CACNA2D3: variants seen among roughly 807,000 people sequenced by gnomAD.
The protein encoded by CACNA2D3 is voltage-dependent calcium channel subunit alpha-2/delta-3.
CACNA2D3 carries 60 observed loss-of-function variants against 160.6 expected under a neutral mutation model. The ratio of observed to expected loss-of-function variants is 0.37; its 90% CI spans 0.30 to 0.46. The LOEUF (loss-of-function observed/expected upper bound fraction) is 0.46, where lower values mean the gene tolerates loss of function less well. CACNA2D3 is among the 20% of genes least tolerant of loss of function. CACNA2D3 has a pLI of 1.00. For missense variants in CACNA2D3, 1,205 were observed against 1,365.0 expected (o/e 0.88, Z 1.85); for synonymous variants, 558 against 492.9 (o/e 1.13, Z -1.75).
At chr3:54,895,849 A>G (rs1230590178) in intron 25 of CACNA2D3, among the ~76,000 whole-genome samples, 1 of 152,200 alleles carries the variant, frequency 6.6e-6, no homozygotes, top group Non-Finnish European at 1.5e-5. Context: ...CAGGTCAATA[A>G]TCATGCACTG....
chr3:54,785,403 C>G (rs1244404650), intron 13 of CACNA2D3, among the ~76,000 whole-genome samples: 2 of 152,078 alleles, frequency 1.3e-5, no homozygotes, highest in Admixed American at 1.3e-4. Context: ...AGTCTGTGAT[C>G]CCTCCCATCA....
intron 4 of CACNA2D3, among the ~76,000 whole-genome samples, chr3:54,438,806 A>T (rs997970351): frequency 6.6e-6 from 1 of 152,184 alleles, no homozygotes; most frequent in Non-Finnish European, 1.5e-5. Flanking sequence ...TTTACAAATG[A>T]TGTACTTGAT....
chr3:54,825,401 A>G (rs532381739), intron 14 of CACNA2D3, among the ~76,000 whole-genome samples: 11 of 152,264 alleles, frequency 7.2e-5, no homozygotes, highest in African/African-American at 2.2e-4. Flanking sequence ...AGGACACTCA[A>G]TGTTCTGTTT....
chr3:54,594,280 A>T (rs1415709372), intron 9 of CACNA2D3, among the ~76,000 whole-genome samples: 1 of 152,194 alleles, frequency 6.6e-6, no homozygotes, highest in African/African-American at 2.4e-5. Flanking sequence ...GAAAGCAGCC[A>T]TGGGTAATAC....
At chr3:54,221,123 C>T (rs1391596772) in intron 2 of CACNA2D3, among the ~76,000 whole-genome samples, 1 of 152,172 alleles carries the variant, frequency 6.6e-6, no homozygotes, top group African/African-American at 2.4e-5. Flanking sequence ...ACAACCACCC[C>T]AAGAGGTAAC....
At chr3:54,444,407 A>G (rs1463492466) in intron 4 of CACNA2D3, among the ~76,000 whole-genome samples, 12 of 152,182 alleles carry the variant, frequency 7.9e-5, no homozygotes, top group Non-Finnish European at 1.8e-4. Context: ...TTTTCAAAAC[A>G]TTCCCTGTTA....
At chr3:54,237,071 A>G (rs1559891714) in intron 2 of CACNA2D3, among the ~76,000 whole-genome samples, 1 of 151,506 alleles carries the variant, frequency 6.6e-6, no homozygotes, top group Non-Finnish European at 1.5e-5. Flanking sequence ...ACTCTGCTTA[A>G]TGGCAGTAGA....
chr3:54,610,806 G>A (rs1393974196), intron 9 of CACNA2D3, among the ~76,000 whole-genome samples: 3 of 151,866 alleles, frequency 2.0e-5, no homozygotes, highest in Non-Finnish European at 2.9e-5. Flanking sequence ...ATTTTGTATT[G>A]TTGGTAGAGA....
intron 14 of CACNA2D3, among the ~76,000 whole-genome samples, chr3:54,818,073 A>G (rs1327154978): frequency 1.3e-5 from 2 of 152,246 alleles, no homozygotes; most frequent in East Asian, 1.9e-4. Flanking sequence ...CTGCCTAAAA[A>G]TGGACCAGCT....
chr3:54,302,419 T>G (rs1703498103), intron 2 of CACNA2D3, among the ~76,000 whole-genome samples: 1 of 152,124 alleles, frequency 6.6e-6, no homozygotes, highest in Admixed American at 6.5e-5. Context: ...GAAGGTGGTG[T>G]TTTTCAGGTG....
At chr3:54,457,379 G>A (rs2106832031) in intron 4 of CACNA2D3, among the ~76,000 whole-genome samples, 1 of 151,996 alleles carries the variant, frequency 6.6e-6, no homozygotes, top group East Asian at 1.9e-4. Context: ...GAAAGTTCTT[G>A]TTACTGATTT....
intron 35 of CACNA2D3, among the ~76,000 whole-genome samples, chr3:55,064,068 T>C (rs549759330): frequency 6.6e-6 from 1 of 152,350 alleles, no homozygotes; most frequent in East Asian, 1.9e-4. Context: ...ATTGGCCCAG[T>C]GCTTAAGGAG....
chr3:54,952,234 A>T (rs1485952758), intron 27 of CACNA2D3, among the ~76,000 whole-genome samples: 1 of 152,136 alleles, frequency 6.6e-6, no homozygotes, highest in Non-Finnish European at 1.5e-5. Flanking sequence ...GAGACAAAGG[A>T]TGTTGGCCTT....
chr3:54,683,457 AG>A (rs1402112924), intron 11 of CACNA2D3, among the ~76,000 whole-genome samples: 7 of 152,256 alleles, frequency 4.6e-5, no homozygotes, highest in Non-Finnish European at 1.0e-4. Context: ...ATTTGATTCC[AG>A]GCCTTGCTAC....
At chr3:54,471,088 C>A (rs1045163805) in intron 4 of CACNA2D3, among the ~76,000 whole-genome samples, 1 of 152,168 alleles carries the variant, frequency 6.6e-6, no homozygotes, top group African/African-American at 2.4e-5. Flanking sequence ...ACTCTCCACC[C>A]CAAATAAACA....
intron 2 of CACNA2D3, among the ~76,000 whole-genome samples, chr3:54,137,933 G>A (rs1436252999): frequency 1.3e-5 from 2 of 152,246 alleles, no homozygotes; most frequent in Admixed American, 6.5e-5. Flanking sequence ...GGGAGGTGCA[G>A]CATTGATCTT....
intron 12 of CACNA2D3, among the ~76,000 whole-genome samples, chr3:54,760,534 AGAT>A (rs1237824365): frequency 2.6e-5 from 4 of 152,170 alleles, no homozygotes; most frequent in Non-Finnish European, 5.9e-5. Flanking sequence ...TCAACCAGGA[AGAT>A]GATGATTTGC....
At chr3:54,811,888 C>T (rs368619618) in intron 13 of CACNA2D3, among the ~76,000 whole-genome samples, 182 of 152,232 alleles carry the variant, frequency 1.2e-3, no homozygotes, top group Non-Finnish European at 2.3e-3. Flanking sequence ...GGCTTTGTGA[C>T]CTTGTAGTTT....
At chr3:54,289,833 G>T (rs1703139994) in intron 2 of CACNA2D3, among the ~76,000 whole-genome samples, 2 of 152,038 alleles carry the variant, frequency 1.3e-5, no homozygotes, top group South Asian at 2.1e-4. Flanking sequence ...AATAAATGGT[G>T]CTGGGAAAAC....
Sources: allele counts gnomAD v4.1 joint callset (sites outside exome capture counted in the v4.1 genomes callset), GRCh38; gene constraint gnomAD v4.1.1; transcripts MANE v1.5; gene names NCBI Gene and HGNC (gene_info 2026-07-23, HGNC 2026-07-21).